Variants in NKAIN4 observed in about 807,000 individuals in gnomAD.
NKAIN4 encodes sodium/potassium-transporting ATPase subunit beta-1-interacting protein 4.
NKAIN4 carries 28 observed loss-of-function variants against 28.8 expected under a neutral mutation model. The ratio of observed to expected loss-of-function variants is 0.97; its 90% CI spans 0.72 to 1.33. The LOEUF (loss-of-function observed/expected upper bound fraction) is 1.33. NKAIN4 is among the 40% of genes most tolerant of loss of function. The pLI, the probability that NKAIN4 is intolerant of heterozygous loss-of-function variation, is 0.00. For missense variants in NKAIN4, 289 were observed against 277.2 expected (o/e 1.04, Z -0.30); for synonymous variants, 122 against 115.6 (o/e 1.06, Z -0.36).
Position 63,244,022 on chromosome 20 carries a change from A to G in NKAIN4, c.532+2T>C. On this transcript the variant is annotated splice_donor_variant, in intron 5 of 6. Transcript: ENST00000370316. LOFTEE classifies it high-confidence loss of function. ...CACTGCCTGCAGAGGCCCCATACTC[A>G]CAGCTGTCCTCTTCCTCCGTAAACA... 1.2e-6 allele frequency: 2 copies of G among 1,612,540 alleles called. No homozygotes were observed. Among genetic ancestry groups the G allele is most frequent in the Non-Finnish European group, 1.7e-6 (2 of 1,179,056 alleles).
At position 63,241,795 on chromosome 20, in the gene NKAIN4, C is replaced by T; in HGVS notation, c.618-289G>A. 4.9e-6 allele frequency: 3 copies of T among 618,274 alleles called. No individual in the cohort carries two copies. In the East Asian group the frequency reaches 1.0e-4, roughly 21 times the overall value. 38.3% of individuals were successfully genotyped at this position (618,274 alleles called of 1,614,324 possible). A position where few individuals can be genotyped will look rare whatever the true frequency, so the allele number is the denominator to read the frequency against. On this transcript the variant is annotated intron_variant, in intron 6 of 6. Transcript: ENST00000370316. Reference sequence around the variant, plus strand: ...GCTCACCCAGGGGTGTGCCTGGGTCCCTGGCTCAGGGTCTGCGTGTGACCC... The same window carrying T: ...GCTCACCCAGGGGTGTGCCTGGGTCTCTGGCTCAGGGTCTGCGTGTGACCC...
chr20:63,253,132 G>A (rs894189956), intron 1 of NKAIN4: 2 of 877,068 alleles, frequency 2.3e-6, no homozygotes, highest in African/African-American at 3.6e-5. Context: ...GAGTCTTCGA[G>A]TGCCCACCCT....
At chr20:63,254,522 C>T (rs1480732936), upstream of NKAIN4, 1 of 1,140,778 alleles carries the variant, frequency 8.8e-7, no homozygotes, top group Non-Finnish European at 1.1e-6. Context: ...CCGCTCCCCA[C>T]GCGCCGCAGC....
Position 63,246,997 on chromosome 20 carries a change from C to T in NKAIN4, c.471+581G>A, listed in dbSNP as rs76936887. On this transcript the variant is annotated intron_variant, in intron 4 of 6. Coordinates refer to ENST00000370316, the MANE Select transcript of NKAIN4 (RefSeq NM_152864.4). ...CAGGGCCGGAGAGGACGGCAGAGTC[C>T]CGTTCCCGCACAAGCAACAGCTGCT... 1,599 of 999,254 alleles carry T rather than the reference C, an allele frequency of 1.6e-3. 28 individuals carry two copies. In the African/African-American group the frequency reaches 0.026, roughly 16 times the overall value. 61.9% of individuals were successfully genotyped at this position (999,254 alleles called of 1,614,324 possible). A position where few individuals can be genotyped will look rare whatever the true frequency, so the allele number is the denominator to read the frequency against.
intron 3 of NKAIN4, chr20:63,248,599 G>A (rs900268473): frequency 2.1e-5 from 11 of 522,592 alleles, no homozygotes; most frequent in African/African-American, 9.6e-5. Flanking sequence ...ACCCACAGAC[G>A]CCTTTCTTTC....
At chr20:63,250,118 C>A in intron 1 of NKAIN4, 46 bp from the exon 2 acceptor site, 1 of 1,518,492 alleles carries the variant, frequency 6.6e-7, no homozygotes. Flanking sequence ...GAGGGAGGCC[C>A]CAGGCCCGCC....
At chr20:63,241,561 G>C (rs761198846) in intron 6 of NKAIN4, 55 bp from the exon 7 acceptor site, 62 of 1,503,364 alleles carry the variant, frequency 4.1e-5, no homozygotes, top group Middle Eastern at 1.7e-4. Flanking sequence ...GCAGCCACTG[G>C]GGGCTGCCAC....
chr20:63,254,509 C>T (rs1346623258), upstream of NKAIN4: 2 of 1,192,002 alleles, frequency 1.7e-6, no homozygotes, highest in African/African-American at 1.6e-5. Context: ...GCCCCCGCTC[C>T]GCCCGCTCCC....
intron 2 of NKAIN4, 35 bp downstream of exon 2, chr20:63,249,900 A>G (rs1394244840): frequency 6.3e-7 from 1 of 1,590,294 alleles, no homozygotes; most frequent in African/African-American, 1.3e-5. Flanking sequence ...ACCTCAACCC[A>G]CCTGCCCATA....
At position 63,245,045 on chromosome 20, in the gene NKAIN4, A is replaced by C. The variant is rs1486090627; in HGVS notation, c.472-961T>G. On this transcript the variant is annotated intron_variant, in intron 4 of 6. Transcript: ENST00000370316. This position sits in a 1 kb window ranked among gnomAD's most constrained non-coding sequence, Gnocchi z 4.7. ...AAGGCCACCGTGCCCAGGAGAGGAG[A>C]CAGGACACGCAGGCCAGGCCCCAGG... is the stretch of plus-strand genomic sequence containing the variant. Among the ~76,000 whole-genome samples the C allele has an allele frequency of 1.3e-5, 2 of 152,044 alleles. No homozygotes were observed. Among genetic ancestry groups the C allele is most frequent in the Non-Finnish European group, 2.9e-5 (2 of 67,992 alleles).
At chr20:63,254,700 C>T (rs1004590547), upstream of NKAIN4, 5 of 303,734 alleles carry the variant, frequency 1.6e-5, no homozygotes, top group Non-Finnish European at 3.0e-5. Context: ...GGGGCGATGG[C>T]GCGGCCTCTC....
chr20:63,248,993 G>A, intron 2 of NKAIN4, 98 bp from the exon 3 acceptor site: 1 of 813,428 alleles, frequency 1.2e-6, no homozygotes, highest in Non-Finnish European at 2.1e-6. Flanking sequence ...GATCGCATAG[G>A]AGGGGCGGCC....
At chr20:63,246,825 G>A (rs2066866781) in intron 4 of NKAIN4, 1 of 985,354 alleles carries the variant, frequency 1.0e-6, no homozygotes, top group Non-Finnish European at 1.2e-6. Context: ...AGCACTTCGA[G>A]GAAGGCACTG....
At chr20:63,250,154 G>A in intron 1 of NKAIN4, 82 bp from the exon 2 acceptor site, 1 of 1,458,522 alleles carries the variant, frequency 6.9e-7, no homozygotes, top group South Asian at 1.4e-5. Flanking sequence ...CAAGGTGACA[G>A]GATCTCAGCA....
At chr20:63,242,457 G>A (rs1280299559) in intron 6 of NKAIN4, 82 bp downstream of exon 6, 1 of 920,836 alleles carries the variant, frequency 1.1e-6, no homozygotes, top group South Asian at 1.3e-5. Context: ...GCCTGGTGAG[G>A]CCCCCAAGGA....
Position 63,242,542 on chromosome 20 carries a change from T to C in NKAIN4, c.614A>G (p.Tyr205Cys). The C allele has an allele frequency of 6.2e-7, 1 of 1,610,232 alleles. No homozygotes were observed. Among genetic ancestry groups the C allele is most frequent in the South Asian group, 1.1e-5 (1 of 90,998 alleles). The change falls in exon 6 of 7, where the codon TAC becomes TGC. Residue 205 changes from tyrosine (Y) to cysteine (C), a missense_variant. Transcript: ENST00000370316. ...AGGTTCTGCCAGCCATACTTACAAGTACACCTGCTTGGACAAGAGACTGGA... is the reference window on the plus strand; with the variant it reads ...AGGTTCTGCCAGCCATACTTACAAGCACACCTGCTTGGACAAGAGACTGGA... ...KPSSLLSKQVYLPA is the reference protein window; with the variant it reads ...KPSSLLSKQVCLPA
intron 1 of NKAIN4, chr20:63,254,113 C>A: frequency 2.2e-6 from 1 of 444,658 alleles, no homozygotes; most frequent in South Asian, 2.2e-5. Flanking sequence ...TTCCGTCCGG[C>A]CAGCCCATCC....
chr20:63,248,966 G>C, intron 2 of NKAIN4, 71 bp from the exon 3 acceptor site: 1 of 1,026,854 alleles, frequency 9.7e-7, no homozygotes, highest in Non-Finnish European at 1.5e-6. Context: ...TCCAGCCCCC[G>C]GGGGAAGGGG....
chr20:63,246,749 A>G, intron 4 of NKAIN4: 1 of 974,154 alleles, frequency 1.0e-6, no homozygotes, highest in Non-Finnish European at 1.2e-6. Context: ...CTGCCCCCGG[A>G]GCTCTTGAGG....
Sources: gnomAD v4.1 joint callset for allele counts (sites outside exome capture counted in the v4.1 genomes callset) on GRCh38, gnomAD v4.1.1 for gene constraint, Gnocchi (gnomAD v3.1) non-coding constraint, MANE v1.5 for transcripts, NCBI Gene and HGNC (gene_info 2026-07-23, HGNC 2026-07-21) for gene names.